PTPRF: variants seen among roughly 807,000 people sequenced by gnomAD.
PTPRF encodes the protein receptor-type tyrosine-protein phosphatase F.
In PTPRF, 59 loss-of-function variants were observed where a neutral mutation model predicts 201.8. The ratio of observed to expected loss-of-function variants is 0.29; its 90% confidence interval spans 0.24 to 0.36. The LOEUF is 0.36. PTPRF is among the 10% of genes least tolerant of loss of function. The pLI, the probability that PTPRF is intolerant of heterozygous loss-of-function variation, is 1.00. For missense variants in PTPRF, 2,132 were observed against 2,690.5 expected, an observed-to-expected ratio of 0.79 and a Z score of 4.59; for synonymous variants, 1,088 against 1,089.7, an observed-to-expected ratio of 1.00 and a Z score of 0.03.
intron 5 of PTPRF, among the ~76,000 whole-genome samples, chr1:43,563,618 G>A (rs575178631): frequency 1.9e-4 from 29 of 152,326 alleles, no homozygotes; most frequent in Non-Finnish European, 3.7e-4. Context: ...TGCGAAGGAG[G>A]AGGAGTGGTC....
intron 11 of PTPRF, 114 bp from the exon 12 acceptor site, chr1:43,597,634 C>G (rs1036205149): frequency 1.2e-5 from 10 of 800,488 alleles, no homozygotes; most frequent in Non-Finnish European, 2.0e-5. Context: ...ATGGCCATTT[C>G]AGCACCTAAG....
chr1:43,617,423 C>T, intron 23 of PTPRF, 22 bp from the exon 24 acceptor site: 1 of 1,613,950 alleles, frequency 6.2e-7, no homozygotes. Flanking sequence ...CCCACCCCAC[C>T]CGCTTTCTCC....
At position 43,620,109 on chromosome 1, in the gene PTPRF, A is replaced by G. The variant is rs751071796; in HGVS notation, c.5126A>G (p.Tyr1709Cys). 1 of 1,614,104 alleles carries G rather than the reference A, an allele frequency of 6.2e-7. No homozygotes were observed. The highest frequency in any genetic ancestry group is 1.7e-5 in the Admixed American group (1 of 60,016). ...FLDGYRQQKAYIATQGPLAES... is the reference protein window; with the variant it reads ...FLDGYRQQKACIATQGPLAES... Reference sequence around the variant, plus strand: ...GTCCACCCCAGACAGCAGAAGGCCTACATAGCTACACAGGGGCCTCTGGCA... The same window carrying G: ...GTCCACCCCAGACAGCAGAAGGCCTGCATAGCTACACAGGGGCCTCTGGCA... The change falls in exon 30 of 34, where the codon TAC becomes TGC. Residue 1709 changes from tyrosine (Y) to cysteine (C), a missense_variant. Around this residue, in one of 6 missense-constraint regions of PTPRF, gnomAD observed 519 missense variants for 659.5 expected, o/e 0.79. Coordinates refer to ENST00000359947, the MANE Select transcript of PTPRF (RefSeq NM_002840.5).
intron 5 of PTPRF, among the ~76,000 whole-genome samples, chr1:43,561,100 G>A (rs1017048605): frequency 1.3e-5 from 2 of 152,114 alleles, no homozygotes; most frequent in Non-Finnish European, 2.9e-5. Flanking sequence ...TTTGGGGCTC[G>A]TGGGATGACG....
Position 43,553,690 on chromosome 1 carries a change from C to A in PTPRF, c.237+53C>A, listed in dbSNP as rs970986684. 24 of 1,610,482 alleles carry A rather than the reference C, an allele frequency of 1.5e-5. No individual in the cohort carries two copies. The Admixed American group carries it at 3.2e-4, about 21-fold the overall frequency. On this transcript the variant is annotated intron_variant, in intron 4 of 33. Transcript: ENST00000359947. The surrounding 1 kb of genome is among the most constrained non-coding windows in gnomAD (Gnocchi z 4.1). ...AGGGCTCAGGGTCTGCCCACACTCT[C>A]TCCTTTCAGTGTCCCTCCTCATGGA...
rs776374379 is a variant in PTPRF, at chr1:43,591,203, G to C, written c.1181G>C (p.Ser394Thr). 324 of 1,607,582 alleles carry C rather than the reference G, an allele frequency of 2.0e-4. 1 individual carries two copies. The highest frequency in any genetic ancestry group is 2.7e-4 in the Non-Finnish European group (321 of 1,177,064). Reference protein sequence around the residue: ...EYAFRVLAVNSIGRGPPSEAV... With the variant: ...EYAFRVLAVNTIGRGPPSEAV... ...GCCTTCCGCGTGCTGGCGGTGAACAGCATCGGGCGAGGGCCGCCCAGCGAG... is the reference window on the plus strand; with the variant it reads ...GCCTTCCGCGTGCTGGCGGTGAACACCATCGGGCGAGGGCCGCCCAGCGAG... Residue 394 changes from serine (S) to threonine (T), a missense_variant, in exon 9 of 34, where the codon AGC (serine) becomes ACC (threonine). Coordinates refer to ENST00000359947, the MANE Select transcript of PTPRF (RefSeq NM_002840.5).
chr1:43,572,542 TG>T (rs1646646277), intron 6 of PTPRF, among the ~76,000 whole-genome samples: 1 of 152,208 alleles, frequency 6.6e-6, no homozygotes, highest in African/African-American at 2.4e-5. Flanking sequence ...CTGGGACCGT[TG>T]GCCTCAGTTG....
Position 43,591,105 on chromosome 1 carries a change from C to T in PTPRF, c.1083C>T (p.Gly361=). Reference sequence around the variant, plus strand: ...AGTACCGCGCAGCGGGCACGGAGGGCCCCTTTCAGGAGGTGGATGGTGTGG... The same window carrying T: ...AGTACCGCGCAGCGGGCACGGAGGGTCCCTTTCAGGAGGTGGATGGTGTGG... ...GIQYRAAGTE[G]PFQEVDGVAT... Residue 361 remains glycine, a synonymous_variant, in exon 9 of 34, where the codon GGC becomes GGT. Transcript: ENST00000359947. 3.1e-6 allele frequency: 5 copies of T among 1,613,872 alleles called. No individual in the cohort carries two copies. The highest frequency in any genetic ancestry group is 4.2e-6 in the Non-Finnish European group (5 of 1,180,050).
intron 1 of PTPRF, among the ~76,000 whole-genome samples, chr1:43,532,971 C>A (rs1371303498): frequency 6.6e-6 from 1 of 152,234 alleles, no homozygotes; most frequent in African/African-American, 2.4e-5. Flanking sequence ...TCTGTGCCTG[C>A]ACACTCTCGC....
At chr1:43,527,316 G>A (rs1051378852), upstream of PTPRF, among the ~76,000 whole-genome samples, 1 of 152,212 alleles carries the variant, frequency 6.6e-6, no homozygotes, top group African/African-American at 2.4e-5. Flanking sequence ...TGGACCCCGT[G>A]CTCACAGTTT....
intron 7 of PTPRF, chr1:43,583,048 C>T: frequency 2.0e-6 from 2 of 984,094 alleles, no homozygotes; most frequent in Non-Finnish European, 2.4e-6. Context: ...ATCTTCATCG[C>T]ACTCTGCCAT....
Position 43,554,305 on chromosome 1 carries a change from C to T in PTPRF, c.379+364C>T, listed in dbSNP as rs1020864223. Among the ~76,000 whole-genome samples the T allele has an allele frequency of 3.3e-5, 5 of 152,252 alleles. No individual in the cohort carries two copies. The highest frequency in any genetic ancestry group is 7.2e-5 in the African/African-American group (3 of 41,550). ...ACCGGATTTCCATGTGGAGCCTGGC[C>T]GTAGGTGTCAGGCAGGTGTGTTCCT... On this transcript the variant is annotated intron_variant, in intron 5 of 33. Coordinates refer to ENST00000359947, the MANE Select transcript of PTPRF (RefSeq NM_002840.5). This position sits in a 1 kb window ranked among gnomAD's most constrained non-coding sequence, Gnocchi z 4.1.
In PTPRF at chr1:43,603,743, G is replaced by A. The variant is rs764998994; in HGVS notation, c.2591G>A (p.Arg864Gln). The A allele has an allele frequency of 9.3e-6, 15 of 1,613,782 alleles. No homozygotes were observed. Among genetic ancestry groups the A allele is most frequent in the South Asian group, 7.7e-5 (7 of 91,086 alleles). ...RLQYCRADEA[R>Q]PNTIDFGKDD... ...CAGTACTGCCGGGCCGACGAGGCGCGGCCCAACACCATAGATTTCGGCAAG... is the reference window on the plus strand; with the variant it reads ...CAGTACTGCCGGGCCGACGAGGCGCAGCCCAACACCATAGATTTCGGCAAG... Residue 864 changes from arginine to glutamine, a missense_variant, in exon 16 of 34, where the codon CGG becomes CAG. Around this residue, in one of 6 missense-constraint regions of PTPRF, gnomAD observed 818 missense variants for 915.3 expected, o/e 0.89. Transcript: ENST00000359947. This position sits in a 1 kb window ranked among gnomAD's most constrained non-coding sequence, Gnocchi z 5.8.
At position 43,603,973 on chromosome 1, in the gene PTPRF, C is replaced by T. The variant is rs200457473; in HGVS notation, c.2821C>T (p.Leu941=). ...TTELAWDPPV[L]AERNGRIISY... is the part of the protein sequence containing the mutation. ...AGAACTGGCCTGGGACCCGCCAGTG[C>T]TGGCGGAGAGGAACGGGCGCATCAT... The change falls in exon 16 of 34, where the codon CTG becomes TTG. Residue 941 remains leucine, a synonymous_variant. Coordinates refer to ENST00000359947, the MANE Select transcript of PTPRF (RefSeq NM_002840.5). The surrounding 1 kb of genome is among the most constrained non-coding windows in gnomAD (Gnocchi z 5.8). 1 of 1,614,202 alleles carries T rather than the reference C, an allele frequency of 6.2e-7. No homozygotes were observed. Among genetic ancestry groups the T allele is most frequent in the East Asian group, 2.2e-5 (1 of 44,890 alleles).
intron 22 of PTPRF, among the ~76,000 whole-genome samples, chr1:43,610,126 CCTT>C (rs1656100032): frequency 6.6e-6 from 1 of 152,194 alleles, no homozygotes; most frequent in Admixed American, 6.5e-5. Flanking sequence ...GAACCTCCCT[CCTT>C]CTTCCTTTTG....
At chr1:43,608,499 A>G (rs1164735326) in intron 21 of PTPRF, among the ~76,000 whole-genome samples, 2 of 152,138 alleles carry the variant, frequency 1.3e-5, no homozygotes, top group Non-Finnish European at 1.5e-5. Flanking sequence ...CTGAGTCCTC[A>G]TTGGTGTGAG....
intron 8 of PTPRF, among the ~76,000 whole-genome samples, chr1:43,590,614 G>A (rs1275217598): frequency 1.3e-5 from 2 of 152,174 alleles, no homozygotes; most frequent in African/African-American, 4.8e-5. Flanking sequence ...GCACATAGCT[G>A]CTACCCAGTC....
At chr1:43,550,770 G>A (rs1223974829) in intron 3 of PTPRF, among the ~76,000 whole-genome samples, 1 of 152,252 alleles carries the variant, frequency 6.6e-6, no homozygotes, top group Non-Finnish European at 1.5e-5. Flanking sequence ...AGGCAAGGGA[G>A]TTACCCGGGA....
At chr1:43,565,944 C>A (rs538586450) in intron 5 of PTPRF, among the ~76,000 whole-genome samples, 1,641 of 152,346 alleles carry the variant, frequency 0.011, 12 homozygotes, top group Non-Finnish European at 0.017. Context: ...GGGGCCCTTC[C>A]TCCCCTTCGG....
Sources: gnomAD v4.1 joint callset for allele counts (sites outside exome capture counted in the v4.1 genomes callset) on GRCh38, gnomAD v4.1.1 for gene constraint, gnomAD v4.1.1 regional missense constraint, Gnocchi (gnomAD v3.1) non-coding constraint, MANE v1.5 for transcripts, NCBI Gene and HGNC (gene_info 2026-07-23, HGNC 2026-07-21) for gene names.